GALNT17: variants seen among roughly 807,000 people sequenced by gnomAD.
GALNT17 encodes the protein UDP-GalNAc:polypeptide N-acetylgalactosaminyltransferase-like 3.
A neutral mutation model predicts 63.7 loss-of-function variants in GALNT17; 29 were observed. The observed-to-expected ratio is 0.46, with a 90% CI of 0.34 to 0.62. The LOEUF (loss-of-function observed/expected upper bound fraction) is 0.62. Ranked by LOEUF, GALNT17 falls within the 20% of genes least tolerant of loss-of-function variation. GALNT17 has a pLI of 0.01. For synonymous variants in GALNT17, 305 were observed against 318.3 expected, an observed-to-expected ratio of 0.96 and a Z score of 0.45; for missense variants, 603 against 799.6, an observed-to-expected ratio of 0.75 and a Z score of 2.97.
At chr7:71,404,577 T>A (rs1793294573) in intron 3 of GALNT17, among the ~76,000 whole-genome samples, 1 of 152,222 alleles carries the variant, frequency 6.6e-6, no homozygotes, top group Admixed American at 6.5e-5. Flanking sequence ...CTGGGTTATT[T>A]CATCTTGCAG....
intron 1 of GALNT17, among the ~76,000 whole-genome samples, chr7:71,237,444 C>T (rs904012477): frequency 6.7e-6 from 1 of 148,938 alleles, no homozygotes; most frequent in Non-Finnish European, 1.5e-5. Context: ...CTTTGGGAGG[C>T]CAAGGCAGAT....
intron 9 of GALNT17, among the ~76,000 whole-genome samples, chr7:71,690,970 G>A (rs911583655): frequency 7.9e-5 from 12 of 152,172 alleles, no homozygotes; most frequent in Non-Finnish European, 1.5e-4. Flanking sequence ...AGAATATTTA[G>A]AATATTCCAT....
chr7:71,572,509 A>AC lies in GALNT17; in HGVS notation c.1080+1107_1080+1108insC, dbSNP rs1554310723. ...AGAGCAAGACCCTGTCTCATTAAAA[A>AC]AAAAAAAAAAAAAAAAAAAAACTAC... On this transcript the variant is annotated intron_variant, in intron 6 of 10. Coordinates refer to ENST00000333538, the MANE Select transcript of GALNT17 (RefSeq NM_022479.3). Among the ~76,000 whole-genome samples, 58 of 116,988 alleles carry AC rather than the reference A, an allele frequency of 5.0e-4. 1 individual carries two copies. The highest frequency in any genetic ancestry group is 3.0e-3 in the Admixed American group (33 of 10,844). 76.7% of individuals were successfully genotyped at this position (116,988 alleles called of 152,430 possible).
intron 1 of GALNT17, among the ~76,000 whole-genome samples, chr7:71,214,490 A>C (rs181533926): frequency 7.4e-4 from 112 of 152,048 alleles, no homozygotes; most frequent in African/African-American, 2.4e-3. Flanking sequence ...GAATGTCATG[A>C]GCCCCTTTCA....
At chr7:71,245,157 T>G (rs1288088300) in intron 1 of GALNT17, among the ~76,000 whole-genome samples, 1 of 152,162 alleles carries the variant, frequency 6.6e-6, no homozygotes, top group Non-Finnish European at 1.5e-5. Context: ...TTGGCACCCA[T>G]CTGCCCTCGT....
intron 1 of GALNT17, among the ~76,000 whole-genome samples, chr7:71,261,131 T>G (rs1157536958): frequency 2.0e-5 from 3 of 152,062 alleles, no homozygotes; most frequent in African/African-American, 7.2e-5. Flanking sequence ...TATCAGAAAA[T>G]CTGGGTGGGG....
intron 3 of GALNT17, among the ~76,000 whole-genome samples, chr7:71,409,305 G>A (rs938117108): frequency 8.5e-5 from 13 of 152,114 alleles, no homozygotes; most frequent in African/African-American, 3.1e-4. Context: ...GGGGGTAAAT[G>A]CTAAGCCAGA....
chr7:71,243,444 T>C (rs771058481), intron 1 of GALNT17, among the ~76,000 whole-genome samples: 20 of 152,220 alleles, frequency 1.3e-4, no homozygotes, highest in Non-Finnish European at 2.4e-4. Context: ...TTGTCTAATA[T>C]AATTCCGGCT....
At chr7:71,485,663 C>T (rs1368812242) in intron 5 of GALNT17, among the ~76,000 whole-genome samples, 1 of 152,100 alleles carries the variant, frequency 6.6e-6, no homozygotes, top group East Asian at 1.9e-4. Flanking sequence ...CAAGAAATAC[C>T]TCTTATTCTA....
chr7:71,239,341 T>C (rs1789953258), intron 1 of GALNT17, among the ~76,000 whole-genome samples: 1 of 149,308 alleles, frequency 6.7e-6, no homozygotes, highest in African/African-American at 2.4e-5. Flanking sequence ...GGCATGGTGG[T>C]ACATGCCTGT....
At chr7:71,688,099 C>T (rs1022219273) in intron 9 of GALNT17, among the ~76,000 whole-genome samples, 3 of 152,100 alleles carry the variant, frequency 2.0e-5, no homozygotes, top group Non-Finnish European at 4.4e-5. Flanking sequence ...ATCTGAAATT[C>T]GACACCACAG....
At chr7:71,372,563 C>T (rs544665967) in intron 2 of GALNT17, among the ~76,000 whole-genome samples, 9 of 151,776 alleles carry the variant, frequency 5.9e-5, no homozygotes, top group South Asian at 4.2e-4. Context: ...GTGGTCCTCC[C>T]GCCTCAGCCT....
At chr7:71,633,313 T>C (rs919943437) in intron 6 of GALNT17, among the ~76,000 whole-genome samples, 10 of 151,892 alleles carry the variant, frequency 6.6e-5, no homozygotes, top group African/African-American at 2.2e-4. Flanking sequence ...TGTGGGGAGT[T>C]TGCATCATAA....
chr7:71,704,614 A>C (rs1490633969), intron 9 of GALNT17, among the ~76,000 whole-genome samples: 2 of 152,076 alleles, frequency 1.3e-5, no homozygotes, highest in Non-Finnish European at 2.9e-5. Flanking sequence ...TCCCAGTTCT[A>C]AGACTTGCTA....
intron 9 of GALNT17, among the ~76,000 whole-genome samples, chr7:71,686,541 A>G (rs11766366): frequency 0.023 from 2,007 of 86,364 alleles, 20 homozygotes; most frequent in Non-Finnish European, 0.034. Context: ...CCACCATACC[A>G]GGCTTTTTTA....
intron 9 of GALNT17, among the ~76,000 whole-genome samples, chr7:71,700,616 C>T (rs1791617567): frequency 6.6e-6 from 1 of 152,124 alleles, no homozygotes; most frequent in Non-Finnish European, 1.5e-5. Flanking sequence ...TCCAAAACAC[C>T]ACATTTCCTC....
chr7:71,310,674 G>T (rs79556741), intron 1 of GALNT17, among the ~76,000 whole-genome samples: 1,716 of 152,302 alleles, frequency 0.011, 14 homozygotes, highest in South Asian at 0.024. Flanking sequence ...AAGCAGGGTG[G>T]ATAGAAAAGG....
chr7:71,615,409 G>C (rs543599739), intron 6 of GALNT17, among the ~76,000 whole-genome samples: 2 of 150,646 alleles, frequency 1.3e-5, no homozygotes, highest in South Asian at 4.2e-4. Context: ...TTTCCAGCCT[G>C]TGCAGTAAAT....
chr7:71,451,161 A>G (rs1036053015), intron 5 of GALNT17, among the ~76,000 whole-genome samples: 5 of 152,140 alleles, frequency 3.3e-5, no homozygotes, highest in African/African-American at 1.2e-4. Context: ...ATTCCCACCT[A>G]TGAGTGAGAA....
Sources: gnomAD v4.1 joint callset for allele counts (sites outside exome capture counted in the v4.1 genomes callset) on GRCh38, gnomAD v4.1.1 for gene constraint, MANE v1.5 for transcripts, NCBI Gene and HGNC (gene_info 2026-07-23, HGNC 2026-07-21) for gene names.